Variants in IPO13 observed in about 807,000 individuals in gnomAD.
IPO13 encodes importin 13.
In IPO13, 28 loss-of-function variants were observed where a neutral mutation model predicts 115.5. The ratio of observed to expected loss-of-function variants is 0.24; its 90% CI spans 0.18 to 0.33. The LOEUF (loss-of-function observed/expected upper bound fraction) is 0.33, where lower values mean the gene tolerates loss of function less well. Ranked by LOEUF, IPO13 falls within the 10% of genes least tolerant of loss-of-function variation. The pLI is 1.00. For synonymous variants in IPO13, 414 were observed against 478.9 expected (o/e 0.86, Z 1.77); for missense variants, 785 against 1,204.6 (o/e 0.65, Z 5.16).
At chr1:43,960,824 G>A in intron 12 of IPO13, 52 bp from the exon 13 acceptor site, 1 of 1,608,116 alleles carries the variant, frequency 6.2e-7, no homozygotes, top group Non-Finnish European at 8.5e-7. Context: ...CTTCAGCGCT[G>A]TTCCAGCCAG....
rs950942444 is a variant in IPO13, at chr1:43,947,049, C to G, written c.-552C>G. 1.3e-5 allele frequency: 5 copies of G among 398,624 alleles called. No individual in the cohort carries two copies. The highest frequency in any genetic ancestry group is 1.3e-4 in the South Asian group (1 of 7,874). 24.7% of individuals were successfully genotyped at this position (398,624 alleles called of 1,614,324 possible). A position where few individuals can be genotyped will look rare whatever the true frequency, so the allele number is the denominator to read the frequency against. On this transcript the variant is annotated 5_prime_UTR_variant, in exon 1 of 20. Coordinates refer to ENST00000372343, the MANE Select transcript of IPO13 (RefSeq NM_014652.4). ...GCCAGGCCGAACGGAAGGGACCTGCCACAGCCCCTCAACTCCACGGACTCT... is the reference window on the plus strand; with the variant it reads ...GCCAGGCCGAACGGAAGGGACCTGCGACAGCCCCTCAACTCCACGGACTCT...
rs2085335234 is a variant in IPO13 at position 43,967,566 on chromosome 1, C to T, written c.2796-20C>T. On this transcript the variant is annotated intron_variant, in intron 19 of 19. Coordinates refer to ENST00000372343, the MANE Select transcript of IPO13 (RefSeq NM_014652.4). This position sits in a 1 kb window ranked among gnomAD's most constrained non-coding sequence, Gnocchi z 6.1. ...AGTGGTGGTGGCTGGTGCTAACCTG[C>T]TCTCCCTTTTCTCCTTCAGCGAGCG... is the stretch of plus-strand genomic sequence containing the variant. 1.2e-6 allele frequency: 2 copies of T among 1,614,024 alleles called. No homozygotes were observed. Among genetic ancestry groups the T allele is most frequent in the Admixed American group, 3.3e-5 (2 of 60,012 alleles).
chr1:43,961,279 GTC>G lies in IPO13; in HGVS notation c.2344+21_2344+22del. The G allele has an allele frequency of 1.3e-6, 2 of 1,588,506 alleles. No homozygotes were observed. Among genetic ancestry groups the G allele is most frequent in the Non-Finnish European group, 1.7e-6 (2 of 1,156,846 alleles). On this transcript the variant is annotated intron_variant, in intron 14 of 19. Transcript: ENST00000372343. ...TCCAGCAAGGTAGGTCCTGACCGGG[GTC>G]TCTGCTGCTGCTGCCACTGCCACTG...
In IPO13 at chr1:43,956,946, C is replaced by T; in HGVS notation, c.1241C>T (p.Ser414Leu). 1 of 1,614,206 alleles carries T rather than the reference C, an allele frequency of 6.2e-7. No homozygotes were observed. Among genetic ancestry groups the T allele is most frequent in the Non-Finnish European group, 8.5e-7 (1 of 1,180,042 alleles). ...PSDEEYGFWS[S>L]DEKEQFRIYR... is the part of the protein sequence containing the mutation. ...GATGAGGAATATGGATTCTGGTCCTCAGACGAGAAGGAGCAGTTCCGAATT... is the reference window on the plus strand; with the variant it reads ...GATGAGGAATATGGATTCTGGTCCTTAGACGAGAAGGAGCAGTTCCGAATT... Residue 414 changes from serine (S) to leucine (L), a missense_variant, in exon 5 of 20, where the codon TCA becomes TTA. Ser to Leu is a moderately radical substitution (Grantham distance 145). This residue lies in a region of IPO13 where 175 missense variants were observed against 360.0 expected (regional missense o/e 0.49). Coordinates refer to ENST00000372343, the MANE Select transcript of IPO13 (RefSeq NM_014652.4). The surrounding 1 kb of genome is among the most constrained non-coding windows in gnomAD (Gnocchi z 4.7).
In IPO13 at chr1:43,950,046, C is replaced by T; in HGVS notation, c.714C>T (p.Asp238=). 1 of 1,613,810 alleles carries T rather than the reference C, an allele frequency of 6.2e-7. No individual in the cohort carries two copies. The highest frequency in any genetic ancestry group is 1.1e-5 in the South Asian group (1 of 91,056). ...TGCAGCTGGAGGTGCCGCTGCAGGA[C>T]TGTGAGGCGCTCATTCAGGCTGCCT... ...SWVQLEVPLQ[D]CEALIQAAFA... is the part of the protein sequence containing the mutation. Residue 238 remains aspartate (D), a synonymous_variant, in exon 2 of 20, where the codon GAC becomes GAT. Coordinates refer to ENST00000372343, the MANE Select transcript of IPO13 (RefSeq NM_014652.4).
Position 43,949,484 on chromosome 1 carries a change from A to G in IPO13, c.152A>G (p.Gln51Arg), listed in dbSNP as rs1215920108. 5.0e-6 allele frequency: 8 copies of G among 1,614,024 alleles called. No individual in the cohort carries two copies. The highest frequency in any genetic ancestry group is 6.8e-6 in the Non-Finnish European group (8 of 1,179,908). Residue 51 changes from glutamine to arginine, a missense_variant, in exon 2 of 20, where the codon CAG becomes CGG. Around this residue, in one of 3 missense-constraint regions of IPO13, gnomAD observed 325 missense variants for 449.8 expected, o/e 0.72. Transcript: ENST00000372343. ...AACCTGGCTCAGAAGTGGCTGATGC[A>G]GGCCCAGGTCTCCCCACAGGCCTGG... ...NKNLAQKWLM[Q>R]AQVSPQAWHF... is the part of the protein sequence containing the mutation.
Position 43,958,807 on chromosome 1 carries a change from C to T in IPO13, c.1946C>T (p.Thr649Ile). The change falls in exon 11 of 20, where the codon ACC becomes ATC. Residue 649 changes from threonine (T) to isoleucine (I), a missense_variant. Transcript: ENST00000372343. The surrounding 1 kb of genome is among the most constrained non-coding windows in gnomAD (Gnocchi z 6.3). ...HILGLLSNLFTTLDISHHEDD... is the reference protein window; with the variant it reads ...HILGLLSNLFITLDISHHEDD... ...TTGGGGCTTCTCTCCAACCTCTTCA[C>T]CACACTGGACATCAGTCATCATGAG... The T allele has an allele frequency of 1.9e-6, 3 of 1,614,168 alleles. No homozygotes were observed. Among genetic ancestry groups the T allele is most frequent in the Non-Finnish European group, 2.5e-6 (3 of 1,180,034 alleles).
Position 43,966,721 on chromosome 1 carries a change from C to A in IPO13, c.2465-3C>A. ...AACTGATCTGCCTCTGCCTTTCCCA[C>A]AGCTGTGCTGGCCCTCAAGTTCCCT... On this transcript the variant is annotated splice_polypyrimidine_tract_variant and splice_region_variant and intron_variant, in intron 16 of 19. Coordinates refer to ENST00000372343, the MANE Select transcript of IPO13 (RefSeq NM_014652.4). This position sits in a 1 kb window ranked among gnomAD's most constrained non-coding sequence, Gnocchi z 4.1. 6.2e-7 allele frequency: 1 copy of A among 1,614,224 alleles called. No individual in the cohort carries two copies. The highest frequency in any genetic ancestry group is 1.1e-5 in the South Asian group (1 of 91,092).
At chr1:43,955,035 T>C (rs1315500317) in intron 2 of IPO13, among the ~76,000 whole-genome samples, 2 of 152,206 alleles carry the variant, frequency 1.3e-5, no homozygotes, top group South Asian at 4.1e-4. Flanking sequence ...CACCGTCTAC[T>C]TAGTTGTTTA....
Position 43,947,549 on chromosome 1 carries a change from C to A in IPO13, c.-52C>A. 1 of 1,069,266 alleles carries A rather than the reference C, an allele frequency of 9.4e-7. No individual in the cohort carries two copies. The highest frequency in any genetic ancestry group is 1.2e-6 in the Non-Finnish European group (1 of 824,768). 66.2% of individuals were successfully genotyped at this position (1,069,266 alleles called of 1,614,324 possible). ...TAGCAGGGGGCCAGCAGCCAAGGGG[C>A]TGGGGCAGGAGACAGATCAGGGCCC... On this transcript the variant is annotated 5_prime_UTR_variant, in exon 1 of 20. In the 5' UTR this introduces an upstream ATG that the reference lacks. Transcript: ENST00000372343.
Position 43,967,853 on chromosome 1 carries a change from T to G in IPO13, c.*171T>G. 1 of 652,010 alleles carries G rather than the reference T, an allele frequency of 1.5e-6. No individual in the cohort carries two copies. Among genetic ancestry groups the G allele is most frequent in the South Asian group, 1.8e-5 (1 of 54,132 alleles). 40.4% of individuals were successfully genotyped at this position (652,010 alleles called of 1,614,324 possible). A position where few individuals can be genotyped will look rare whatever the true frequency, so the allele number is the denominator to read the frequency against. ...ATGGGAGGATGCTTGGACCCAGGCC[T>G]TGGGAGGGAATGGTGGGAACATCCT... On this transcript the variant is annotated 3_prime_UTR_variant, in exon 20 of 20. Transcript: ENST00000372343. This position sits in a 1 kb window ranked among gnomAD's most constrained non-coding sequence, Gnocchi z 6.1.
chr1:43,962,664 G>T (rs1336849253), intron 14 of IPO13, among the ~76,000 whole-genome samples: 1 of 152,126 alleles, frequency 6.6e-6, no homozygotes, highest in African/African-American at 2.4e-5. Flanking sequence ...GCCCTTTACT[G>T]GGTGAACTCT....
intron 2 of IPO13, among the ~76,000 whole-genome samples, chr1:43,953,011 G>T (rs1166142216): frequency 1.3e-5 from 2 of 152,216 alleles, no homozygotes; most frequent in Non-Finnish European, 2.9e-5. Context: ...AAGTGTGTGG[G>T]TGATGTGAGG....
intron 14 of IPO13, among the ~76,000 whole-genome samples, 198 bp from the exon 15 acceptor site, chr1:43,964,071 G>A (rs1197692107): frequency 6.6e-6 from 1 of 152,220 alleles, no homozygotes; most frequent in African/African-American, 2.4e-5. Context: ...GGGCAGGCCC[G>A]TCCTTCACTT....
In IPO13 at chr1:43,947,627, G is replaced by A. The variant is rs1414585430; in HGVS notation, c.27G>A (p.Gly9=). ...TGGAGCGGCGGGAGGAGCAGCCGGG[G>A]GCTGCAGGGGCTGGAGCAGCACCAG... The part of the protein sequence containing the change: MERREEQP[G]AAGAGAAPAL... Residue 9 remains glycine (G), a synonymous_variant, in exon 1 of 20, where the codon GGG becomes GGA. Coordinates refer to ENST00000372343, the MANE Select transcript of IPO13 (RefSeq NM_014652.4). The A allele has an allele frequency of 1.5e-6, 2 of 1,329,836 alleles. No individual in the cohort carries two copies. The highest frequency in any genetic ancestry group is 1.9e-6 in the Non-Finnish European group (2 of 1,032,100). The allele number at this position is 1,329,836 out of a possible 1,614,324, so 82.4% of individuals were successfully genotyped here.
Position 43,967,887 on chromosome 1 carries a change from C to G in IPO13, c.*205C>G, listed in dbSNP as rs1185874850. The G allele has an allele frequency of 1.6e-6, 1 of 609,194 alleles. No individual in the cohort carries two copies. The highest frequency in any genetic ancestry group is 2.9e-6 in the Non-Finnish European group (1 of 342,404). The allele number at this position is 609,194 out of a possible 1,614,324, so 37.7% of individuals were successfully genotyped here. On this transcript the variant is annotated 3_prime_UTR_variant, in exon 20 of 20. Coordinates refer to ENST00000372343, the MANE Select transcript of IPO13 (RefSeq NM_014652.4). The surrounding 1 kb of genome is among the most constrained non-coding windows in gnomAD (Gnocchi z 6.1). Reference sequence around the variant, plus strand: ...AATGGTGGGAACATCCTCTAGCTCCCAGGTTGGAAGAGATACTACTGTAGC... The same window carrying G: ...AATGGTGGGAACATCCTCTAGCTCCGAGGTTGGAAGAGATACTACTGTAGC...
In IPO13 at chr1:43,949,708, G is replaced by A. The variant is rs2085192421; in HGVS notation, c.376G>A (p.Ala126Thr). Reference sequence around the variant, plus strand: ...GATTGTACTGACTCGGCTGTGCGTGGCACTGGCCTCACTGGCTCTCAGCAT... The same window carrying A: ...GATTGTACTGACTCGGCTGTGCGTGACACTGGCCTCACTGGCTCTCAGCAT... ...SKIVLTRLCVALASLALSMMP... is the reference protein window; with the variant it reads ...SKIVLTRLCVTLASLALSMMP... The change falls in exon 2 of 20, where the codon GCA (alanine) becomes ACA (threonine). Residue 126 changes from alanine (A) to threonine (T), a missense_variant. By Grantham distance (58) the Ala-to-Thr change is moderately conservative (BLOSUM62 0). Around this residue, in one of 3 missense-constraint regions of IPO13, gnomAD observed 325 missense variants for 449.8 expected, o/e 0.72. Transcript: ENST00000372343. 1 of 1,614,202 alleles carries A rather than the reference G, an allele frequency of 6.2e-7. No individual in the cohort carries two copies. Among genetic ancestry groups the A allele is most frequent in the Non-Finnish European group, 8.5e-7 (1 of 1,180,006 alleles).
chr1:43,955,489 G>A (rs996267206), intron 2 of IPO13, among the ~76,000 whole-genome samples: 16 of 152,194 alleles, frequency 1.1e-4, no homozygotes, highest in Admixed American at 9.2e-4. Context: ...TCTGAAACCT[G>A]TAGGAGACTC....
Position 43,946,967 on chromosome 1 carries a change from C to G in IPO13, c.-634C>G, listed in dbSNP as rs903076244. 1.5e-5 allele frequency: 6 copies of G among 397,804 alleles called. No individual in the cohort carries two copies. The highest frequency in any genetic ancestry group is 2.7e-5 in the Non-Finnish European group (6 of 225,658). 24.6% of individuals were successfully genotyped at this position (397,804 alleles called of 1,614,324 possible). Reference sequence around the variant, plus strand: ...CCGGCCTGGCTTGTCTTGTCAGTCACTGGGGCGGAGGCAGCGGCTGTAGCG... The same window carrying G: ...CCGGCCTGGCTTGTCTTGTCAGTCAGTGGGGCGGAGGCAGCGGCTGTAGCG... On this transcript the variant is annotated 5_prime_UTR_variant, in exon 1 of 20. Coordinates refer to ENST00000372343, the MANE Select transcript of IPO13 (RefSeq NM_014652.4).
Sources: gnomAD v4.1 joint callset for allele counts (sites outside exome capture counted in the v4.1 genomes callset) on GRCh38, gnomAD v4.1.1 for gene constraint, gnomAD v4.1.1 regional missense constraint, Gnocchi (gnomAD v3.1) non-coding constraint, MANE v1.5 for transcripts, NCBI Gene and HGNC (gene_info 2026-07-23, HGNC 2026-07-21) for gene names.